DACH1: variants seen among roughly 807,000 people sequenced by gnomAD.
DACH1 encodes dachshund family transcription factor 1, also known as dachshund homolog 1.
In DACH1, 12 loss-of-function variants were observed where a neutral mutation model predicts 54.2. The ratio of observed to expected loss-of-function variants is 0.22; its 90% CI spans 0.14 to 0.36. The LOEUF (loss-of-function observed/expected upper bound fraction) is 0.36. Among genes scored for constraint, DACH1 ranks in the 10% least tolerant of loss-of-function variants. The pLI, the probability that DACH1 is intolerant of heterozygous loss-of-function variation, is 1.00. For missense variants in DACH1, 805 were observed against 929.8 expected, an observed-to-expected ratio of 0.87 and a Z score of 1.75; for synonymous variants, 386 against 366.2, an observed-to-expected ratio of 1.05 and a Z score of -0.62.
At chr13:71,655,248 T>C (rs182303388) in intron 2 of DACH1, among the ~76,000 whole-genome samples, 2 of 152,298 alleles carry the variant, frequency 1.3e-5, no homozygotes, top group African/African-American at 4.8e-5. Context: ...TTATTTTTAC[T>C]GTTAATTACT....
intron 10 of DACH1, among the ~76,000 whole-genome samples, chr13:71,455,055 C>T (rs550284366): frequency 1.3e-5 from 2 of 152,230 alleles, no homozygotes; most frequent in African/African-American, 4.8e-5. Flanking sequence ...ACTCACCAAA[C>T]CAAATGCTGC....
At chr13:71,716,178 T>C (rs1438337824) in intron 1 of DACH1, among the ~76,000 whole-genome samples, 1 of 152,050 alleles carries the variant, frequency 6.6e-6, no homozygotes, top group African/African-American at 2.4e-5. Context: ...ATAATCATCA[T>C]CTTCTATTGA....
At position 71,517,416 on chromosome 13, in the gene DACH1, G is replaced by A. The variant is rs181328205; in HGVS notation, c.1571-28268C>T. On this transcript the variant is annotated intron_variant, in intron 6 of 10. Transcript: ENST00000613252. Reference sequence around the variant, plus strand: ...ATCTTCAAATAATGGTTGTCAACAGGAGCTTGATTATGAATGTGTGTCCAT... The same window carrying A: ...ATCTTCAAATAATGGTTGTCAACAGAAGCTTGATTATGAATGTGTGTCCAT... 5.9e-5 allele frequency among the ~76,000 whole-genome samples: 9 copies of A among 151,956 alleles called. 1 individual carries two copies. The highest frequency in any genetic ancestry group is 6.8e-3 in the Middle Eastern group (2 of 294).
At chr13:71,556,925 T>C (rs898876107) in intron 6 of DACH1, 99 bp downstream of exon 6, 4 of 1,247,866 alleles carry the variant, frequency 3.2e-6, no homozygotes, top group African/African-American at 3.1e-5. Flanking sequence ...ATATGCTTTT[T>C]TTTTACATGA....
intron 6 of DACH1, among the ~76,000 whole-genome samples, chr13:71,547,569 AGTTAT>A (rs1566331088): frequency 6.6e-6 from 1 of 152,154 alleles, no homozygotes; most frequent in African/African-American, 2.4e-5. Context: ...TATACACAGA[AGTTAT>A]CACATACCTC....
At chr13:71,509,539 A>T (rs1880598453) in intron 6 of DACH1, among the ~76,000 whole-genome samples, 1 of 152,118 alleles carries the variant, frequency 6.6e-6, no homozygotes, top group African/African-American at 2.4e-5. Context: ...TAAAAATATA[A>T]AGAAGAAATA....
At chr13:71,640,984 GT>G (rs1037031111) in intron 2 of DACH1, among the ~76,000 whole-genome samples, 4 of 151,588 alleles carry the variant, frequency 2.6e-5, no homozygotes, top group Admixed American at 6.6e-5. Context: ...TGTCTCAGTT[GT>G]TTTTTTCTTT....
intron 1 of DACH1, among the ~76,000 whole-genome samples, chr13:71,803,645 A>G (rs908859540): frequency 6.6e-6 from 1 of 152,212 alleles, no homozygotes; most frequent in Non-Finnish European, 1.5e-5. Flanking sequence ...TTATGAAGAA[A>G]AAAATCATGA....
chr13:71,534,409 T>G, intron 6 of DACH1, among the ~76,000 whole-genome samples: 1 of 152,092 alleles, frequency 6.6e-6, no homozygotes, highest in Middle Eastern at 3.4e-3. Context: ...TTGTTAATGA[T>G]TTGAAATCAT....
chr13:71,818,584 C>T lies in DACH1; in HGVS notation c.848+47338G>A, dbSNP rs867253957. On this transcript the variant is annotated intron_variant, in intron 1 of 10. Coordinates refer to ENST00000613252, the MANE Select transcript of DACH1 (RefSeq NM_080759.6). The stretch of plus-strand genomic sequence containing the variant: ...TTGTCCAAATCACCATCATAACTTG[C>T]CTCTTCAAGGAAGCCACTTCCTATT... Among the ~76,000 whole-genome samples, 3 of 152,164 alleles carry T rather than the reference C, an allele frequency of 2.0e-5. No homozygotes were observed. The South Asian group carries it at 6.2e-4, about 31-fold the overall frequency.
At chr13:71,673,336 T>A (rs1351133610) in intron 2 of DACH1, among the ~76,000 whole-genome samples, 1 of 152,144 alleles carries the variant, frequency 6.6e-6, no homozygotes, top group Non-Finnish European at 1.5e-5. Flanking sequence ...TGTTTTAACA[T>A]GTTACATAGG....
chr13:71,856,338 A>G (rs1873998301), intron 1 of DACH1, among the ~76,000 whole-genome samples: 1 of 152,116 alleles, frequency 6.6e-6, no homozygotes, highest in South Asian at 2.1e-4. Flanking sequence ...TCAAATCTGC[A>G]TGTACCATAC....
intron 1 of DACH1, among the ~76,000 whole-genome samples, chr13:71,739,112 C>T (rs1038883257): frequency 2.0e-4 from 31 of 151,870 alleles, no homozygotes; most frequent in Admixed American, 3.9e-4. Flanking sequence ...AATTAGCTGC[C>T]GTAGTGGTGA....
At chr13:71,511,152 C>T (rs1341149509) in intron 6 of DACH1, among the ~76,000 whole-genome samples, 2 of 151,980 alleles carry the variant, frequency 1.3e-5, no homozygotes, top group African/African-American at 2.4e-5. Context: ...ACATCCCAAT[C>T]CATATTTTAC....
chr13:71,759,015 G>T (rs1170872295), intron 1 of DACH1, among the ~76,000 whole-genome samples: 1 of 151,768 alleles, frequency 6.6e-6, no homozygotes. Context: ...AAAGCAGGGA[G>T]CATGGGGAGT....
chr13:71,642,629 G>T (rs1161834102), intron 2 of DACH1, among the ~76,000 whole-genome samples: 1 of 152,036 alleles, frequency 6.6e-6, no homozygotes, highest in African/African-American at 2.4e-5. Context: ...AATTTATAAG[G>T]TGACTTAAAC....
At chr13:71,450,681 C>G (rs1874956910) in intron 10 of DACH1, among the ~76,000 whole-genome samples, 1 of 152,068 alleles carries the variant, frequency 6.6e-6, no homozygotes, top group South Asian at 2.1e-4. Context: ...GTTTGCCAAA[C>G]TGTGAATGAA....
chr13:71,625,760 G>C (rs1305243817), intron 3 of DACH1, among the ~76,000 whole-genome samples: 1 of 151,902 alleles, frequency 6.6e-6, no homozygotes. Context: ...GTGTACCCTT[G>C]CCTATGTTCC....
chr13:71,696,067 C>G (rs1455075278), intron 1 of DACH1, among the ~76,000 whole-genome samples: 2 of 152,030 alleles, frequency 1.3e-5, no homozygotes, highest in Non-Finnish European at 2.9e-5. Context: ...ACAATGAGAT[C>G]TAGGGAGGGG....
Sources: gnomAD v4.1 joint callset for allele counts (sites outside exome capture counted in the v4.1 genomes callset) on GRCh38, gnomAD v4.1.1 for gene constraint, MANE v1.5 for transcripts, NCBI Gene and HGNC (gene_info 2026-07-23, HGNC 2026-07-21) for gene names.